Variants in SLC38A12 observed in about 807,000 individuals in gnomAD.
SLC38A12 encodes the protein putative sodium-coupled neutral amino acid transporter 12.
At chr17:74,832,059 C>T in the SLC38A12 span, among the ~76,000 whole-genome samples, 1 of 146,540 alleles carries the variant, frequency 6.8e-6, no homozygotes, top group East Asian at 2.2e-4. Flanking sequence ...CCAGGGGAGG[C>T]AGGGAGGGGC....
At chr17:74,797,380 A>C in the SLC38A12 span, among the ~76,000 whole-genome samples, 1 of 152,212 alleles carries the variant, frequency 6.6e-6, no homozygotes, top group Non-Finnish European at 1.5e-5. Context: ...AATTGTCATC[A>C]GAGCCTGCAA....
chr17:74,790,962 G>A, the SLC38A12 span: 26 of 1,614,028 alleles, frequency 1.6e-5, no homozygotes, highest in East Asian at 3.1e-4. Flanking sequence ...GCAGAGAGAC[G>A]TGGATCTCCC....
chr17:74,808,871 C>T, the SLC38A12 span, among the ~76,000 whole-genome samples: 2 of 151,300 alleles, frequency 1.3e-5, no homozygotes, highest in African/African-American at 4.9e-5. Flanking sequence ...GGACAGTTTT[C>T]TGGCAGGTCA....
the SLC38A12 span, among the ~76,000 whole-genome samples, chr17:74,777,971 C>G: frequency 1.3e-5 from 2 of 152,232 alleles, no homozygotes; most frequent in Non-Finnish European, 2.9e-5. Context: ...CAGTGCTGCC[C>G]TTCAGATGAA....
the SLC38A12 span, chr17:74,838,866 C>T: frequency 4.6e-6 from 7 of 1,533,068 alleles, no homozygotes; most frequent in Non-Finnish European, 5.2e-6. Context: ...GCAAGCTCAG[C>T]TTGTGGTTTC....
chr17:74,784,038 T>TA, the SLC38A12 span, among the ~76,000 whole-genome samples: 71,281 of 145,890 alleles, frequency 0.49, 18,182 homozygotes, highest in Non-Finnish European at 0.59. Flanking sequence ...CTTCATGCTT[T>TA]AAAAAAAAAA....
chr17:74,833,609 G>A, the SLC38A12 span, among the ~76,000 whole-genome samples: 3 of 152,250 alleles, frequency 2.0e-5, no homozygotes, highest in Non-Finnish European at 4.4e-5. Context: ...TGTGTCCAGG[G>A]CAGGAGAGAG....
At chr17:74,838,600 G>A in the SLC38A12 span, 2 of 1,307,130 alleles carry the variant, frequency 1.5e-6, no homozygotes, top group South Asian at 3.2e-5. Flanking sequence ...CTGGCCAGCA[G>A]TGACCACATC....
the SLC38A12 span, among the ~76,000 whole-genome samples, chr17:74,800,438 A>G: frequency 6.6e-6 from 1 of 152,194 alleles, no homozygotes; most frequent in South Asian, 2.1e-4. Flanking sequence ...TCCCAAGGAC[A>G]CTTCCTTCCC....
the SLC38A12 span, among the ~76,000 whole-genome samples, chr17:74,792,141 G>A: frequency 4.1e-5 from 6 of 146,556 alleles, no homozygotes; most frequent in South Asian, 4.3e-4. Context: ...GCGAGACTCC[G>A]TCTCAAAAAA....
chr17:74,795,225 G>C, the SLC38A12 span: 1 of 857,792 alleles, frequency 1.2e-6, no homozygotes, highest in Non-Finnish European at 1.9e-6. Context: ...TGCATCTAGG[G>C]AATGCAGATG....
the SLC38A12 span, chr17:74,795,004 C>A: frequency 3.7e-6 from 6 of 1,611,902 alleles, no homozygotes; most frequent in Non-Finnish European, 5.1e-6. Flanking sequence ...TGGCTGTGTT[C>A]CTTTCAGTGG....
chr17:74,777,335 C>T, the SLC38A12 span: 1 of 1,614,180 alleles, frequency 6.2e-7, no homozygotes, highest in East Asian at 2.2e-5. Flanking sequence ...TTGGAAATGG[C>T]GGGTGAAATT....
At chr17:74,789,576 T>A in the SLC38A12 span, among the ~76,000 whole-genome samples, 1 of 139,088 alleles carries the variant, frequency 7.2e-6, no homozygotes, top group African/African-American at 2.7e-5. Context: ...CCGGGCACAG[T>A]GGCTCATGCC....
chr17:74,819,923 G>T, the SLC38A12 span: 1 of 1,309,868 alleles, frequency 7.6e-7, no homozygotes, highest in Non-Finnish European at 1.1e-6. Flanking sequence ...GCCGTGCAGG[G>T]CCCCCAGCCG....
the SLC38A12 span, among the ~76,000 whole-genome samples, chr17:74,832,920 G>T: frequency 2.6e-5 from 4 of 152,242 alleles, no homozygotes; most frequent in Non-Finnish European, 5.9e-5. Context: ...AATGAAATGG[G>T]TGACTAATCT....
At chr17:74,779,259 C>T in the SLC38A12 span, among the ~76,000 whole-genome samples, 5 of 152,200 alleles carry the variant, frequency 3.3e-5, no homozygotes, top group Non-Finnish European at 7.3e-5. Context: ...CATGTGCCCA[C>T]AGGAAATGAG....
At chr17:74,819,873 C>T in the SLC38A12 span, 82 of 1,586,118 alleles carry the variant, frequency 5.2e-5, no homozygotes, top group East Asian at 2.0e-4. Flanking sequence ...CGAGTCTCTG[C>T]GCTTTCTCCT....
At chr17:74,800,768 G>A in the SLC38A12 span, among the ~76,000 whole-genome samples, 6 of 149,648 alleles carry the variant, frequency 4.0e-5, no homozygotes, top group African/African-American at 7.5e-5. Context: ...CACTGCCCCC[G>A]AGTTTATGCA....
Sources: gnomAD v4.1 joint callset for allele counts (sites outside exome capture counted in the v4.1 genomes callset) on GRCh38, gnomAD v4.1.1 for gene constraint, MANE v1.5 for transcripts, NCBI Gene and HGNC (gene_info 2026-07-23, HGNC 2026-07-21) for gene names.